KLF17: variants seen among roughly 807,000 people sequenced by gnomAD.
The protein encoded by KLF17 is Krueppel-like factor 17.
A neutral mutation model predicts 34.2 loss-of-function variants in KLF17; 31 were observed. The ratio of observed to expected loss-of-function variants is 0.91; its 90% CI spans 0.68 to 1.22. KLF17 has a LOEUF of 1.22. Among genes scored for constraint, KLF17 ranks in the 50% most tolerant of loss-of-function variants. The probability of loss-of-function intolerance (pLI) is 0.00; values close to 1 mark genes in which losing one functional copy is unlikely to be tolerated. For synonymous variants in KLF17, 179 were observed against 186.7 expected (o/e 0.96, Z 0.34); for missense variants, 478 against 505.2 (o/e 0.95, Z 0.52).
upstream of KLF17, among the ~76,000 whole-genome samples, chr1:44,116,293 A>G (rs1172246324): frequency 6.6e-6 from 1 of 152,132 alleles, no homozygotes; most frequent in African/African-American, 2.4e-5. Context: ...GGACCCTAAG[A>G]TACATAAGAG....
chr1:44,110,903 C>T, the KLF17 span, among the ~76,000 whole-genome samples: 1 of 151,716 alleles, frequency 6.6e-6, no homozygotes, highest in Non-Finnish European at 1.5e-5. Context: ...AGGAGGATTG[C>T]TTTGAGCCCA....
At chr1:44,131,091 G>T (rs1338378955) in intron 3 of KLF17, among the ~76,000 whole-genome samples, 1 of 152,142 alleles carries the variant, frequency 6.6e-6, no homozygotes, top group African/African-American at 2.4e-5. Context: ...CACCGCAGCC[G>T]GCCTCATTCT....
chr1:44,070,590 CTTTTTTTTTTTTTTT>C, the KLF17 span, among the ~76,000 whole-genome samples: 4 of 78,684 alleles, frequency 5.1e-5, no homozygotes, highest in African/African-American at 1.5e-4. Flanking sequence ...TTTCCCTTGT[CTTTTTTTTTTTTTTT>C]TTTTTTTTTT....
the KLF17 span, among the ~76,000 whole-genome samples, chr1:44,092,634 C>T: frequency 3.2e-4 from 46 of 144,218 alleles, no homozygotes; most frequent in African/African-American, 1.1e-3. Context: ...CACTCTTTAG[C>T]TTTTTTTTTT....
At chr1:44,067,209 A>C in the KLF17 span, among the ~76,000 whole-genome samples, 1 of 152,172 alleles carries the variant, frequency 6.6e-6, no homozygotes, top group African/African-American at 2.4e-5. Flanking sequence ...CACTCCCTTG[A>C]GTGATGGTTG....
At chr1:44,118,079 C>T (rs2087899840), upstream of KLF17, among the ~76,000 whole-genome samples, 1 of 152,098 alleles carries the variant, frequency 6.6e-6, no homozygotes, top group African/African-American at 2.4e-5. Context: ...GCCTTAGAGC[C>T]CTTCAATCTT....
At chr1:44,118,142 G>A (rs2087900498), upstream of KLF17, among the ~76,000 whole-genome samples, 1 of 151,952 alleles carries the variant, frequency 6.6e-6, no homozygotes, top group South Asian at 2.1e-4. Context: ...TTTCTGTTTT[G>A]GTTTTCCATA....
the KLF17 span, among the ~76,000 whole-genome samples, chr1:44,068,974 T>C: frequency 2.6e-5 from 4 of 152,132 alleles, no homozygotes; most frequent in African/African-American, 9.7e-5. Context: ...TACCTCTGCT[T>C]TCTGCATTTA....
the KLF17 span, among the ~76,000 whole-genome samples, chr1:44,099,782 T>C: frequency 6.8e-6 from 1 of 147,640 alleles, no homozygotes; most frequent in African/African-American, 2.5e-5. Context: ...ACCACTGGAC[T>C]CCAGCCTGGG....
chr1:44,091,438 T>G, the KLF17 span, among the ~76,000 whole-genome samples: 1 of 151,630 alleles, frequency 6.6e-6, no homozygotes, highest in African/African-American at 2.4e-5. Flanking sequence ...GGTGGATCAT[T>G]TGAGGTCAGG....
the KLF17 span, among the ~76,000 whole-genome samples, chr1:44,066,231 G>A: frequency 1.3e-5 from 2 of 150,994 alleles, no homozygotes; most frequent in Non-Finnish European, 2.9e-5. Context: ...GAGGTGGGAG[G>A]ATTGCTTGAG....
At position 44,127,692 on chromosome 1, in the gene KLF17, T is replaced by TTTCTTTCTTTCTTTC. The variant is rs1553171671; in HGVS notation, c.82-1659_82-1658insCTTTCTTTCTTTCTT. On this transcript the variant is annotated intron_variant, in intron 1 of 3. Transcript: ENST00000372299. ...TTTCTTTCTTTCTTTCTTTCTTTCT[T>TTTCTTTCTTTCTTTC]TTTCTTTCTTTCTTTCTTTCTTCTC... Among the ~76,000 whole-genome samples the TTTCTTTCTTTCTTTC allele has an allele frequency of 7.5e-4, 68 of 90,170 alleles. 1 individual carries two copies. The highest frequency in any genetic ancestry group is 3.4e-3 in the African/African-American group (61 of 18,148). The allele number at this position is 90,170 out of a possible 152,430, so 59.2% of individuals were successfully genotyped here. A position where few individuals can be genotyped will look rare whatever the true frequency, so the allele number is the denominator to read the frequency against.
chr1:44,079,631 T>G, the KLF17 span, among the ~76,000 whole-genome samples: 1 of 152,122 alleles, frequency 6.6e-6, no homozygotes, highest in African/African-American at 2.4e-5. Context: ...AAAATTTCCC[T>G]GTTCAAATTA....
In KLF17 at chr1:44,133,265, G is replaced by C. The variant is rs887824324; in HGVS notation, c.*28G>C. Reference sequence around the variant, plus strand: ...GAATGAAGAAGGAAGAGGATTCCAGGCTGAGAGCACTGGACGTGGCAACTG... The same window carrying C: ...GAATGAAGAAGGAAGAGGATTCCAGCCTGAGAGCACTGGACGTGGCAACTG... On this transcript the variant is annotated 3_prime_UTR_variant, in exon 4 of 4. Transcript: ENST00000372299. 1.3e-4 allele frequency: 20 copies of C among 152,260 alleles called. No homozygotes were observed. The highest frequency in any genetic ancestry group is 7.3e-5 in the Non-Finnish European group (5 of 68,108). 9.4% of individuals were successfully genotyped at this position (152,260 alleles called of 1,614,324 possible). A position where few individuals can be genotyped will look rare whatever the true frequency, so the allele number is the denominator to read the frequency against.
At chr1:44,093,029 A>T in the KLF17 span, among the ~76,000 whole-genome samples, 1 of 142,080 alleles carries the variant, frequency 7.0e-6, no homozygotes. Flanking sequence ...CTACATTATA[A>T]GGTACTCAAA....
rs1292470807 is a variant in KLF17, at chr1:44,118,985, C to T, written c.78C>T (p.Ala26=). 1.3e-5 allele frequency: 21 copies of T among 1,605,458 alleles called. No individual in the cohort carries two copies. Among genetic ancestry groups the T allele is most frequent in the South Asian group, 4.5e-5 (4 of 89,780 alleles). ...GGTGGCAGGCGGCGCACCAGGCTGC[C>T]CAGGTGAGTCAGGTGCCAGCCCCTG... ...LSRWQAAHQA[A]QDNENSAPIL... The change falls in exon 1 of 4, where the codon GCC becomes GCT. Residue 26 remains alanine (A), a synonymous_variant. Transcript: ENST00000372299.
the KLF17 span, among the ~76,000 whole-genome samples, chr1:44,067,867 G>A: frequency 3.9e-5 from 6 of 151,986 alleles, no homozygotes; most frequent in African/African-American, 4.8e-5. Context: ...GTGGGACAGA[G>A]CAGGACAGGA....
At chr1:44,112,874 G>C in the KLF17 span, among the ~76,000 whole-genome samples, 77 of 152,312 alleles carry the variant, frequency 5.1e-4, no homozygotes, top group Non-Finnish European at 8.5e-4. Flanking sequence ...TTTGACAAAG[G>C]GTTCCTAATT....
At chr1:44,049,120 A>G in the KLF17 span, among the ~76,000 whole-genome samples, 1 of 152,222 alleles carries the variant, frequency 6.6e-6, no homozygotes, top group Non-Finnish European at 1.5e-5. Context: ...CCTGGCTTGT[A>G]GATGACTGCC....
Sources: allele counts gnomAD v4.1 joint callset (sites outside exome capture counted in the v4.1 genomes callset), GRCh38; gene constraint gnomAD v4.1.1; transcripts MANE v1.5; gene names NCBI Gene and HGNC (gene_info 2026-07-23, HGNC 2026-07-21).